EML6: variants seen among roughly 807,000 people sequenced by gnomAD.
The protein encoded by EML6 is EMAP like 6, also known as echinoderm microtubule-associated protein-like 6.
Under a neutral mutation model 240.1 loss-of-function variants are expected in EML6, and 154 were observed. The ratio of observed to expected loss-of-function variants is 0.64; its 90% CI spans 0.56 to 0.73. EML6 has a LOEUF of 0.73. EML6 is among the 30% of genes least tolerant of loss of function. The pLI is 0.00. For missense variants in EML6, 2,964 were observed against 2,474.6 expected, an observed-to-expected ratio of 1.20 and a Z score of -4.20; for synonymous variants, 1,148 against 899.0, an observed-to-expected ratio of 1.28 and a Z score of -4.95.
At chr2:54,907,567 T>G (rs1382643515) in intron 24 of EML6, among the ~76,000 whole-genome samples, 1 of 152,216 alleles carries the variant, frequency 6.6e-6, no homozygotes, top group Non-Finnish European at 1.5e-5. Context: ...CCCATTTTTG[T>G]TGCAGATGGC....
intron 5 of EML6, among the ~76,000 whole-genome samples, chr2:54,827,357 GTGT>G (rs1011758728): frequency 3.9e-5 from 6 of 152,156 alleles, no homozygotes; most frequent in Admixed American, 2.0e-4. Context: ...AGTTTTAAAA[GTGT>G]TGTTATAGGC....
chr2:54,873,152 G>A (rs1005180479), intron 16 of EML6, among the ~76,000 whole-genome samples: 1 of 152,152 alleles, frequency 6.6e-6, no homozygotes, highest in Admixed American at 6.5e-5. Context: ...ACCACGTTTG[G>A]GTGAAAACTA....
chr2:54,908,605 T>C (rs976335032), intron 24 of EML6, among the ~76,000 whole-genome samples: 2 of 152,186 alleles, frequency 1.3e-5, no homozygotes, highest in Non-Finnish European at 2.9e-5. Context: ...TCTCCCACTC[T>C]TAGGCAGCTA....
At chr2:54,767,632 A>ATG (rs370491221) in intron 2 of EML6, among the ~76,000 whole-genome samples, 10 of 130,918 alleles carry the variant, frequency 7.6e-5, no homozygotes, top group African/African-American at 3.1e-4. Context: ...GTGTGTGTGT[A>ATG]TGTGTGTGTG....
chr2:54,836,372 C>T (rs1308599557), intron 7 of EML6, among the ~76,000 whole-genome samples: 4 of 152,178 alleles, frequency 2.6e-5, no homozygotes, highest in African/African-American at 7.2e-5. Flanking sequence ...TCACAGTTCC[C>T]GTGGCTGTAG....
intron 15 of EML6, among the ~76,000 whole-genome samples, chr2:54,870,490 C>T (rs1251837106): frequency 6.6e-6 from 1 of 152,016 alleles, no homozygotes; most frequent in East Asian, 1.9e-4. Context: ...TAAGGGCTGA[C>T]CGTTGGTTTA....
rs372961272 is a variant in EML6 at position 54,953,991 on chromosome 2, C to G, written c.4321C>G (p.Pro1441Ala). ...VVATSQIGTT[P>A]SIHIWDAMTK... The stretch of plus-strand genomic sequence containing the variant: ...TGCCTCTCCACACTCAGGGACAACA[C>G]CTTCCATCCACATATGGGACGCCAT... The change falls in exon 32 of 42, where the codon CCT (proline) becomes GCT (alanine). Residue 1441 changes from proline (P) to alanine (A), a missense_variant. Transcript: ENST00000356458. The G allele has an allele frequency of 4.1e-5, 63 of 1,550,964 alleles. No individual in the cohort carries two copies. Among genetic ancestry groups the G allele is most frequent in the Non-Finnish European group, 5.1e-5 (58 of 1,146,436 alleles).
At chr2:54,939,170 A>G (rs1482919625) in intron 28 of EML6, among the ~76,000 whole-genome samples, 1 of 152,242 alleles carries the variant, frequency 6.6e-6, no homozygotes, top group Non-Finnish European at 1.5e-5. Flanking sequence ...ACACTTTGTC[A>G]TTAAAATCCA....
At chr2:54,928,544 G>A (rs1181541446) in intron 27 of EML6, 30 bp downstream of exon 27, 2 of 1,548,210 alleles carry the variant, frequency 1.3e-6, no homozygotes, top group Non-Finnish European at 1.7e-6. Context: ...CATGCCTCCT[G>A]CGCCGAATGC....
intron 26 of EML6, among the ~76,000 whole-genome samples, chr2:54,927,600 C>T (rs938032701): frequency 2.0e-5 from 3 of 152,176 alleles, no homozygotes; most frequent in Non-Finnish European, 2.9e-5. Flanking sequence ...TTTGATTTTG[C>T]ACCACTTGTC....
chr2:54,941,137 T>C (rs999561114), intron 28 of EML6, among the ~76,000 whole-genome samples: 2 of 152,230 alleles, frequency 1.3e-5, no homozygotes, highest in African/African-American at 4.8e-5. Flanking sequence ...AATTTTTTAA[T>C]TGACATGCAA....
At chr2:54,948,502 G>A (rs2104475567) in intron 28 of EML6, among the ~76,000 whole-genome samples, 1 of 152,330 alleles carries the variant, frequency 6.6e-6, no homozygotes, top group Non-Finnish European at 1.5e-5. Flanking sequence ...AAAAAGGTCA[G>A]CAAGTCCAGG....
At chr2:54,902,390 G>T in intron 22 of EML6, among the ~76,000 whole-genome samples, 1 of 152,090 alleles carries the variant, frequency 6.6e-6, no homozygotes, top group East Asian at 1.9e-4. Flanking sequence ...TGGACTTGGG[G>T]AGAAGAGATA....
At chr2:54,822,154 T>A (rs1668363556) in intron 5 of EML6, among the ~76,000 whole-genome samples, 1 of 152,154 alleles carries the variant, frequency 6.6e-6, no homozygotes, top group Non-Finnish European at 1.5e-5. Context: ...AATAGACTTA[T>A]GAAAATGTTA....
chr2:54,850,233 G>T lies in EML6; in HGVS notation c.1444+15G>T, dbSNP rs1670000605. On this transcript the variant is annotated intron_variant, in intron 10 of 41. Transcript: ENST00000356458. Reference sequence around the variant, plus strand: ...CAGAATGCCATGTAAGTCATGTGGAGGCCTTGGATGTTTCTGGAAAGCAAA... The same window carrying T: ...CAGAATGCCATGTAAGTCATGTGGATGCCTTGGATGTTTCTGGAAAGCAAA... 1.9e-6 allele frequency: 3 copies of T among 1,544,710 alleles called. No individual in the cohort carries two copies. The highest frequency in any genetic ancestry group is 1.8e-6 in the Non-Finnish European group (2 of 1,141,842).
At chr2:54,904,469 G>C (rs1343019958) in intron 24 of EML6, among the ~76,000 whole-genome samples, 5 of 152,178 alleles carry the variant, frequency 3.3e-5, no homozygotes, top group Non-Finnish European at 7.3e-5. Flanking sequence ...GTAATCCATG[G>C]AGCCTCTGTA....
chr2:54,928,496 G>C lies in EML6; in HGVS notation c.3859G>C (p.Asp1287His). Residue 1287 changes from aspartate (D) to histidine (H), a missense_variant, in exon 27 of 42, where the codon GAC (aspartate) becomes CAC (histidine). By Grantham distance (81) the Asp-to-His change is moderately conservative. Coordinates refer to ENST00000356458, the MANE Select transcript of EML6 (RefSeq NM_001039753.4). ...KLVDSEESDTDVEEDGGYDSD... is the reference protein window; with the variant it reads ...KLVDSEESDTHVEEDGGYDSD... ...GGTGGACAGCGAGGAGTCAGACACC[G>C]ACGTGGAAGAGGATGGAGGTGAGCC... is the stretch of plus-strand genomic sequence containing the variant. 1 of 1,545,574 alleles carries C rather than the reference G, an allele frequency of 6.5e-7. No individual in the cohort carries two copies. The highest frequency in any genetic ancestry group is 2.0e-5 in the Admixed American group (1 of 50,762).
At chr2:54,946,097 G>C (rs4525735) in intron 28 of EML6, among the ~76,000 whole-genome samples, 140,956 of 152,088 alleles carry the variant, frequency 0.93, 65,439 homozygotes, top group Middle Eastern at 0.99. Context: ...TTCGGCCTGT[G>C]TGCCACCCTC....
intron 2 of EML6, among the ~76,000 whole-genome samples, chr2:54,730,705 T>C (rs1214572254): frequency 6.6e-6 from 1 of 152,248 alleles, no homozygotes; most frequent in African/African-American, 2.4e-5. Context: ...ATGATCTTCA[T>C]AAATGATTGC....
Sources: allele counts gnomAD v4.1 joint callset (sites outside exome capture counted in the v4.1 genomes callset), GRCh38; gene constraint gnomAD v4.1.1; transcripts MANE v1.5; gene names NCBI Gene and HGNC (gene_info 2026-07-23, HGNC 2026-07-21).